Variants in RNFT2 observed in about 807,000 individuals in gnomAD.
The protein encoded by RNFT2 is E3 ubiquitin-protein ligase RNFT2.
In RNFT2, 36 loss-of-function variants were observed where a neutral mutation model predicts 53.0. The ratio of observed to expected loss-of-function variants is 0.68; its 90% CI spans 0.52 to 0.90. The LOEUF (loss-of-function observed/expected upper bound fraction) is 0.90. Among genes scored for constraint, RNFT2 ranks in the 40% least tolerant of loss-of-function variants. RNFT2 has a pLI of 0.00. For missense variants in RNFT2, 514 were observed against 585.6 expected (o/e 0.88, Z 1.26); for synonymous variants, 260 against 253.2 (o/e 1.03, Z -0.26).
At chr12:116,754,132 C>A in intron 5 of RNFT2, 72 bp downstream of exon 5, 1 of 1,234,902 alleles carries the variant, frequency 8.1e-7, no homozygotes, top group South Asian at 1.2e-5. Context: ...ACAGTCTTCC[C>A]GGCAAGTCTC....
intron 3 of RNFT2, among the ~76,000 whole-genome samples, chr12:116,744,648 G>A (rs1871811143): frequency 4.6e-5 from 7 of 152,222 alleles, no homozygotes; most frequent in Admixed American, 4.6e-4. Flanking sequence ...CTCCTGGGTT[G>A]CCTCAAGCTC....
intron 7 of RNFT2, among the ~76,000 whole-genome samples, chr12:116,814,745 C>A (rs1875561027): frequency 6.6e-6 from 1 of 151,906 alleles, no homozygotes; most frequent in East Asian, 1.9e-4. Flanking sequence ...GTGGTGCAAT[C>A]TCGGCTGGCT....
chr12:116,849,847 T>A lies in RNFT2; in HGVS notation c.*399T>A. 1.7e-5 allele frequency: 2 copies of A among 115,428 alleles called. No individual in the cohort carries two copies. Among genetic ancestry groups the A allele is most frequent in the Non-Finnish European group, 1.0e-5 (1 of 97,078 alleles). 7.2% of individuals were successfully genotyped at this position (115,428 alleles called of 1,614,324 possible). A position where few individuals can be genotyped will look rare whatever the true frequency, so the allele number is the denominator to read the frequency against. On this transcript the variant is annotated 3_prime_UTR_variant, in exon 11 of 11. Transcript: ENST00000257575. Reference sequence around the variant, plus strand: ...CTCCCTCCTTCCTTCCTTCCTTCCTTTTTTTTTTTTTTTTAAAACAAGGTC... The same window carrying A: ...CTCCCTCCTTCCTTCCTTCCTTCCTATTTTTTTTTTTTTTAAAACAAGGTC...
At chr12:116,837,513 G>A (rs141333689) in intron 10 of RNFT2, among the ~76,000 whole-genome samples, 68 of 152,226 alleles carry the variant, frequency 4.5e-4, no homozygotes, top group African/African-American at 1.5e-3. Context: ...TTTTAACATC[G>A]ACAAGCATTT....
At chr12:116,761,544 T>C (rs529719452) in intron 5 of RNFT2, among the ~76,000 whole-genome samples, 17 of 152,342 alleles carry the variant, frequency 1.1e-4, no homozygotes, top group Admixed American at 2.0e-4. Flanking sequence ...CTGCATGTCC[T>C]CTGTGTCTGC....
chr12:116,766,862 G>A lies in RNFT2; in HGVS notation c.676G>A (p.Gly226Arg). 6.3e-7 allele frequency: 1 copy of A among 1,598,628 alleles called. No individual in the cohort carries two copies. The highest frequency in any genetic ancestry group is 8.5e-7 in the Non-Finnish European group (1 of 1,172,282). The change falls in exon 6 of 11, where the codon GGG becomes AGG. Residue 226 changes from glycine to arginine, a missense_variant. Gly to Arg is a moderately radical substitution (Grantham distance 125). Around this residue, in one of 3 missense-constraint regions of RNFT2, gnomAD observed 273 missense variants for 334.4 expected, o/e 0.82. Transcript: ENST00000257575. ...CTTGTGGATCCTGGCCTTTCTGGCGGGGAACACCCTCTATGTGCTTTATAC... is the reference window on the plus strand; with the variant it reads ...CTTGTGGATCCTGGCCTTTCTGGCGAGGAACACCCTCTATGTGCTTTATAC... ...VILWILAFLA[G>R]NTLYVLYTFS...
chr12:116,844,166 C>T (rs1397023864), intron 10 of RNFT2, among the ~76,000 whole-genome samples: 3 of 151,684 alleles, frequency 2.0e-5, no homozygotes, highest in South Asian at 4.2e-4. Flanking sequence ...GCATCGCCTG[C>T]GAGGAGGTCA....
Position 116,851,549 on chromosome 12 carries a change from G to C in RNFT2, c.*2101G>C. The C allele has an allele frequency of 1.8e-6, 1 of 561,776 alleles. No individual in the cohort carries two copies. Among genetic ancestry groups the C allele is most frequent in the Non-Finnish European group, 3.2e-6 (1 of 315,242 alleles). 34.8% of individuals were successfully genotyped at this position (561,776 alleles called of 1,614,324 possible). A position where few individuals can be genotyped will look rare whatever the true frequency, so the allele number is the denominator to read the frequency against. ...AGGTCAAGAGTTCAAGACTAGCCTG[G>C]CCAACATGGCAAAACCCCCTCTTTA... On this transcript the variant is annotated 3_prime_UTR_variant, in exon 11 of 11. Coordinates refer to ENST00000257575, the MANE Select transcript of RNFT2 (RefSeq NM_001382266.1).
At chr12:116,840,192 G>A (rs1877182282) in intron 10 of RNFT2, among the ~76,000 whole-genome samples, 1 of 152,198 alleles carries the variant, frequency 6.6e-6, no homozygotes. Flanking sequence ...GAAGGCAAGA[G>A]GGCAAGAGAA....
Position 116,817,276 on chromosome 12 carries a change from G to C in RNFT2, c.883-16516G>C, listed in dbSNP as rs151162204. 2.0e-5 allele frequency among the ~76,000 whole-genome samples: 3 copies of C among 152,256 alleles called. No homozygotes were observed. In the East Asian group the frequency reaches 5.8e-4, roughly 29 times the overall value. On this transcript the variant is annotated intron_variant, in intron 7 of 10. Transcript: ENST00000257575. ...GATTTGCCCGCCTCAGCCTCCCAAA[G>C]TACTGGGATTACAGGTGTGAGCCAC...
chr12:116,781,922 C>CA (rs1022955744), intron 7 of RNFT2, among the ~76,000 whole-genome samples: 2 of 151,220 alleles, frequency 1.3e-5, no homozygotes, highest in Admixed American at 1.3e-4. Flanking sequence ...ACTAAAAATA[C>CA]AAAAAAATTA....
At chr12:116,841,824 TATATATATAA>T (rs1877294789) in intron 10 of RNFT2, among the ~76,000 whole-genome samples, 1 of 46,646 alleles carries the variant, frequency 2.1e-5, no homozygotes, top group African/African-American at 1.0e-4. Context: ...TATAAAAATA[TATATATATAA>T]ATATATATAT....
chr12:116,741,893 T>TGTCCGACTTGGCCGCCCAAGC (rs1871625060), intron 3 of RNFT2, among the ~76,000 whole-genome samples: 1 of 152,128 alleles, frequency 6.6e-6, no homozygotes, highest in African/African-American at 2.4e-5. Context: ...TCAAGCGATC[T>TGTCCGACTTGGCCGCCCAAGC]TCCTACCTTG....
rs1486339588 is a variant in RNFT2, at chr12:116,841,847, AT to A, written c.1200+5566del. On this transcript the variant is annotated intron_variant, in intron 10 of 10. Transcript: ENST00000257575. The stretch of plus-strand genomic sequence containing the variant: ...TATATATATATAAATATATATATAA[AT>A]ATATATAAAAATATATATATAAATA... Among the ~76,000 whole-genome samples the A allele has an allele frequency of 8.4e-4, 19 of 22,654 alleles. 2 individuals carry two copies. The highest frequency in any genetic ancestry group is 1.9e-3 in the African/African-American group (11 of 5,892). The allele number at this position is 22,654 out of a possible 152,430, so 14.9% of individuals were successfully genotyped here.
intron 7 of RNFT2, among the ~76,000 whole-genome samples, chr12:116,809,472 T>C (rs1040976253): frequency 6.6e-6 from 1 of 152,028 alleles, no homozygotes; most frequent in South Asian, 2.1e-4. Context: ...TGGGCCAGAG[T>C]CAGCTCCAGT....
chr12:116,841,386 G>T (rs1877239256), intron 10 of RNFT2, among the ~76,000 whole-genome samples: 1 of 152,086 alleles, frequency 6.6e-6, no homozygotes, highest in South Asian at 2.1e-4. Flanking sequence ...CCAAGAGGCG[G>T]AGGCTGCAGT....
chr12:116,822,838 A>C (rs991760409), intron 7 of RNFT2, among the ~76,000 whole-genome samples: 2 of 152,110 alleles, frequency 1.3e-5, no homozygotes, highest in Non-Finnish European at 2.9e-5. Context: ...CTCTACTAAA[A>C]ATAGAAAAAT....
intron 7 of RNFT2, among the ~76,000 whole-genome samples, chr12:116,811,684 C>T (rs761156865): frequency 4.4e-4 from 67 of 152,162 alleles, no homozygotes; most frequent in Admixed American, 2.0e-4. Context: ...CATGCGTGCG[C>T]GTGCGTTTGT....
intron 10 of RNFT2, among the ~76,000 whole-genome samples, chr12:116,845,817 C>T (rs181643370): frequency 6.6e-6 from 1 of 152,112 alleles, no homozygotes; most frequent in South Asian, 2.1e-4. Context: ...CTCCCCTGCA[C>T]CCCCAACTAC....
Sources: gnomAD v4.1 joint callset for allele counts (sites outside exome capture counted in the v4.1 genomes callset) on GRCh38, gnomAD v4.1.1 for gene constraint, gnomAD v4.1.1 regional missense constraint, MANE v1.5 for transcripts, NCBI Gene and HGNC (gene_info 2026-07-23, HGNC 2026-07-21) for gene names.